KDM2B: variants seen among roughly 807,000 people sequenced by gnomAD.
KDM2B encodes the protein lysine-specific demethylase 2B.
A neutral mutation model predicts 150.0 loss-of-function variants in KDM2B; 26 were observed. The observed-to-expected ratio is 0.17, with a 90% CI of 0.13 to 0.24. The LOEUF is 0.24. KDM2B is among the 10% of genes least tolerant of loss of function. KDM2B has a pLI of 1.00. For missense variants in KDM2B, 1,265 were observed against 1,816.9 expected (o/e 0.70, Z 5.52); for synonymous variants, 734 against 729.5 (o/e 1.01, Z -0.10).
the KDM2B span, among the ~76,000 whole-genome samples, chr12:121,421,178 T>A: frequency 6.6e-6 from 1 of 151,986 alleles, no homozygotes; most frequent in Non-Finnish European, 1.5e-5. Flanking sequence ...GCCCAGATGT[T>A]ACATAGTTCT....
intron 12 of KDM2B, among the ~76,000 whole-genome samples, chr12:121,489,685 C>A (rs191439130): frequency 6.6e-6 from 1 of 152,180 alleles, no homozygotes; most frequent in East Asian, 1.9e-4. Flanking sequence ...AGTGATCCAC[C>A]TGCCTCAGCC....
intron 4 of KDM2B, among the ~76,000 whole-genome samples, chr12:121,561,193 C>T (rs1555313785): frequency 6.6e-6 from 1 of 152,164 alleles, no homozygotes; most frequent in Non-Finnish European, 1.5e-5. Flanking sequence ...GGCTCGGGGC[C>T]AGGACGAGGC....
At chr12:121,547,336 G>A (rs1304617050) in intron 6 of KDM2B, among the ~76,000 whole-genome samples, 2 of 152,200 alleles carry the variant, frequency 1.3e-5, no homozygotes, top group East Asian at 1.9e-4. Flanking sequence ...TCAGCTTGAA[G>A]GGGAGGAAAA....
At chr12:121,562,345 G>A (rs1325312171) in intron 4 of KDM2B, among the ~76,000 whole-genome samples, 4 of 151,882 alleles carry the variant, frequency 2.6e-5, no homozygotes, top group East Asian at 1.9e-4. Flanking sequence ...TTAGCCGGGC[G>A]TGGTGGTATG....
intron 11 of KDM2B, among the ~76,000 whole-genome samples, chr12:121,505,921 G>C (rs1555302853): frequency 6.6e-6 from 1 of 152,208 alleles, no homozygotes; most frequent in Non-Finnish European, 1.5e-5. Context: ...AGGCGACAGA[G>C]CGTACATCTG....
chr12:121,477,280 T>C (rs1186273397), intron 12 of KDM2B, among the ~76,000 whole-genome samples: 1 of 152,122 alleles, frequency 6.6e-6, no homozygotes, highest in Non-Finnish European at 1.5e-5. Context: ...CCTTGGCTTC[T>C]AAAAATGGTA....
chr12:121,551,491 C>T (rs1407122310), intron 4 of KDM2B, among the ~76,000 whole-genome samples: 1 of 151,454 alleles, frequency 6.6e-6, no homozygotes, highest in African/African-American at 2.4e-5. Flanking sequence ...GACTACAGGG[C>T]GGCACCACCA....
chr12:121,433,728 T>C (rs1873456043), intron 22 of KDM2B, among the ~76,000 whole-genome samples: 1 of 152,118 alleles, frequency 6.6e-6, no homozygotes, highest in South Asian at 2.1e-4. Context: ...TATCCTAAAA[T>C]TCATGTGAAT....
At chr12:121,450,917 C>T (rs1035194147) in intron 13 of KDM2B, among the ~76,000 whole-genome samples, 27 of 151,400 alleles carry the variant, frequency 1.8e-4, no homozygotes, top group Non-Finnish European at 3.4e-4. Context: ...GAATGTAAAA[C>T]GGGATGGCCG....
intron 21 of KDM2B, 65 bp from the exon 22 acceptor site, chr12:121,440,140 T>C: frequency 7.8e-7 from 1 of 1,280,454 alleles, no homozygotes; most frequent in Non-Finnish European, 1.1e-6. Context: ...CATGCTGACA[T>C]GACACTCTAA....
At chr12:121,492,840 G>GA (rs781842497) in intron 12 of KDM2B, among the ~76,000 whole-genome samples, 5 of 143,788 alleles carry the variant, frequency 3.5e-5, no homozygotes, top group Non-Finnish European at 4.5e-5. Flanking sequence ...AAAAAAAAAA[G>GA]AAAAAAAAAG....
chr12:121,580,574 G>T, intron 1 of KDM2B: 1 of 942,418 alleles, frequency 1.1e-6, no homozygotes, highest in Admixed American at 3.5e-5. Context: ...TGGCGGGGCA[G>T]GGAGGGAGGG....
At position 121,570,650 on chromosome 12, in the gene KDM2B, G is replaced by A. The variant is rs115067363; in HGVS notation, c.397+3897C>T. On this transcript the variant is annotated intron_variant, in intron 4 of 22. Transcript: ENST00000377071. The stretch of plus-strand genomic sequence containing the variant: ...CTGCATAGCCACTAGCATGGCTATC[G>A]TCAAAGAGACAGACAATAACAAGTG... Among the ~76,000 whole-genome samples, 1,490 of 152,242 alleles carry A rather than the reference G, an allele frequency of 9.8e-3. 25 individuals carry two copies. The highest frequency in any genetic ancestry group is 0.034 in the African/African-American group (1,399 of 41,542).
In KDM2B at chr12:121,440,076, C is replaced by G; in HGVS notation, c.3611-1G>C. ...AGCTTGCTCCGATTGTCCATCTGAC[C>G]TGGTGGGGCAGGAAGGAGGGGGCAA... On this transcript the variant is annotated splice_acceptor_variant, in intron 21 of 22. Transcript: ENST00000377071. LOFTEE classifies it high-confidence loss of function. 1 of 1,596,674 alleles carries G rather than the reference C, an allele frequency of 6.3e-7. No individual in the cohort carries two copies. Among genetic ancestry groups the G allele is most frequent in the Non-Finnish European group, 8.5e-7 (1 of 1,172,278 alleles).
intron 12 of KDM2B, among the ~76,000 whole-genome samples, chr12:121,480,989 G>A (rs1555297774): frequency 6.8e-6 from 1 of 148,088 alleles, no homozygotes; most frequent in Non-Finnish European, 1.5e-5. Flanking sequence ...GTGCAGTGGT[G>A]TGATCTCAGC....
At chr12:121,416,351 C>G in the KDM2B span, 2 of 1,613,378 alleles carry the variant, frequency 1.2e-6, no homozygotes, top group Non-Finnish European at 1.7e-6. Flanking sequence ...AGCCTGTGGG[C>G]TTTCATTTTC....
intron 22 of KDM2B, among the ~76,000 whole-genome samples, chr12:121,438,851 A>G (rs974752424): frequency 6.6e-6 from 1 of 151,596 alleles, no homozygotes; most frequent in African/African-American, 2.4e-5. Context: ...AAAAACCTGT[A>G]GTTTCTTTTT....
At chr12:121,579,120 G>C in intron 1 of KDM2B, 174 bp from the exon 2 acceptor site, 1 of 704,188 alleles carries the variant, frequency 1.4e-6, no homozygotes, top group Non-Finnish European at 2.3e-6. Flanking sequence ...GACAAGGAGA[G>C]GGGCCCGCAC....
At chr12:121,444,348 C>T (rs781904669) in intron 15 of KDM2B, 76 bp from the exon 16 acceptor site, 72 of 1,605,868 alleles carry the variant, frequency 4.5e-5, no homozygotes, top group Non-Finnish European at 5.5e-5. Flanking sequence ...CCCAGGCCGA[C>T]GGCAACCCAC....
Sources: allele counts gnomAD v4.1 joint callset (sites outside exome capture counted in the v4.1 genomes callset), GRCh38; gene constraint gnomAD v4.1.1; transcripts MANE v1.5; gene names NCBI Gene and HGNC (gene_info 2026-07-23, HGNC 2026-07-21).